The following CIBAR1 variants were observed in gnomAD, a reference collection of about 807,000 sequenced individuals.
The protein encoded by CIBAR1 is CBY1 interacting BAR domain containing 1, also known as CBY1-interacting BAR domain-containing protein 1.
Under a neutral mutation model 44.0 loss-of-function variants are expected in CIBAR1, and 25 were observed. The observed-to-expected ratio is 0.57, with a 90% confidence interval of 0.41 to 0.79. The LOEUF (loss-of-function observed/expected upper bound fraction) is 0.79, where lower values mean the gene tolerates loss of function less well. Among genes scored for constraint, CIBAR1 ranks in the 30% least tolerant of loss-of-function variants. The probability of loss-of-function intolerance (pLI) is 0.00; values close to 1 mark genes in which losing one functional copy is unlikely to be tolerated. For missense variants in CIBAR1, 278 were observed against 344.8 expected, an observed-to-expected ratio of 0.81 and a Z score of 1.53; for synonymous variants, 115 against 119.0, an observed-to-expected ratio of 0.97 and a Z score of 0.22.
At chr8:93,709,036 C>T (rs574830584) in intron 5 of CIBAR1, among the ~76,000 whole-genome samples, 3 of 152,104 alleles carry the variant, frequency 2.0e-5, no homozygotes, top group Admixed American at 6.5e-5. Context: ...CCCTGCACTT[C>T]GGGAGGCTGA....
chr8:93,722,504 C>G (rs1471383533), intron 7 of CIBAR1, among the ~76,000 whole-genome samples: 4 of 152,130 alleles, frequency 2.6e-5, no homozygotes, highest in Non-Finnish European at 5.9e-5. Context: ...CGAGACCATC[C>G]TGGCCAACAT....
intron 2 of CIBAR1, among the ~76,000 whole-genome samples, chr8:93,703,148 A>G (rs999553719): frequency 6.6e-6 from 1 of 152,196 alleles, no homozygotes; most frequent in Non-Finnish European, 1.5e-5. Context: ...CTCAGAAAAA[A>G]AAATGCAGCA....
chr8:93,718,408 A>G (rs147773881), intron 6 of CIBAR1, among the ~76,000 whole-genome samples: 54 of 152,356 alleles, frequency 3.5e-4, no homozygotes, highest in African/African-American at 1.3e-3. Flanking sequence ...ATAAATGTCA[A>G]TTACTAGGTA....
At chr8:93,703,282 A>C (rs912340473) in intron 2 of CIBAR1, among the ~76,000 whole-genome samples, 1 of 152,208 alleles carries the variant, frequency 6.6e-6, no homozygotes, top group African/African-American at 2.4e-5. Context: ...GTTCAGAGAT[A>C]ATATATGCAA....
At chr8:93,710,367 A>C in intron 6 of CIBAR1, among the ~76,000 whole-genome samples, 1 of 151,896 alleles carries the variant, frequency 6.6e-6, no homozygotes, top group Non-Finnish European at 1.5e-5. Context: ...TTTTTAGTAG[A>C]AACAGTGATA....
intron 2 of CIBAR1, chr8:93,702,406 G>T: frequency 2.5e-6 from 1 of 393,558 alleles, no homozygotes; most frequent in Non-Finnish European, 5.1e-6. Flanking sequence ...TCTTATTTTA[G>T]CCAATAATTT....
At chr8:93,718,555 A>G (rs947248825) in intron 6 of CIBAR1, 120 bp from the exon 7 acceptor site, 1 of 520,560 alleles carries the variant, frequency 1.9e-6, no homozygotes, top group Non-Finnish European at 3.2e-6. Context: ...TATTTACCCT[A>G]TAGAAAAACA....
rs763466316 is a variant in CIBAR1, at chr8:93,701,432, A to G, written c.235A>G (p.Lys79Glu). The G allele has an allele frequency of 6.2e-7, 1 of 1,613,680 alleles. No homozygotes were observed. Among genetic ancestry groups the G allele is most frequent in the East Asian group, 2.2e-5 (1 of 44,840 alleles). The change falls in exon 2 of 9, where the codon AAA becomes GAA. Residue 79 changes from lysine to glutamate, a missense_variant. Physicochemically the swap from Lys to Glu is moderately conservative, Grantham distance 56 (BLOSUM62 1). Transcript: ENST00000518322. Reference protein sequence around the residue: ...GLMNFADEFAKLQDYRQAEVE... With the variant: ...GLMNFADEFAELQDYRQAEVE... ...GATGAACTTTGCAGATGAGTTTGCC[A>G]AACTTCAGGATTATCGACAAGCAGA...
intron 7 of CIBAR1, among the ~76,000 whole-genome samples, chr8:93,719,109 C>T (rs1215042958): frequency 6.6e-6 from 1 of 152,050 alleles, no homozygotes; most frequent in African/African-American, 2.4e-5. Context: ...AGTGATACGC[C>T]CACCTCGGCC....
At chr8:93,723,189 G>A (rs1005469009) in intron 7 of CIBAR1, among the ~76,000 whole-genome samples, 9 of 152,094 alleles carry the variant, frequency 5.9e-5, no homozygotes, top group African/African-American at 2.2e-4. Flanking sequence ...GTAGAGATGG[G>A]GTTTCACCAT....
intron 7 of CIBAR1, chr8:93,721,015 A>G (rs952089370): frequency 6.6e-6 from 1 of 152,252 alleles, no homozygotes; most frequent in Non-Finnish European, 1.5e-5. Flanking sequence ...TGATAAAAGT[A>G]CTTATTTCTG....
At chr8:93,713,727 T>A (rs994892575) in intron 6 of CIBAR1, among the ~76,000 whole-genome samples, 1 of 152,248 alleles carries the variant, frequency 6.6e-6, no homozygotes, top group Admixed American at 6.5e-5. Context: ...GCACCATTTG[T>A]TGAAGGGACT....
At chr8:93,700,993 C>T in intron 1 of CIBAR1, 1 of 1,405,966 alleles carries the variant, frequency 7.1e-7, no homozygotes, top group Non-Finnish European at 9.2e-7. Context: ...CAGCCACCTC[C>T]CCAGTTAAGG....
chr8:93,709,730 T>A, intron 5 of CIBAR1, 41 bp from the exon 6 acceptor site: 1 of 1,551,800 alleles, frequency 6.4e-7, no homozygotes, highest in Non-Finnish European at 8.8e-7. Context: ...GAATTCTCAT[T>A]TGATTTTTTT....
chr8:93,726,252 C>T, intron 7 of CIBAR1, 142 bp from the exon 8 acceptor site: 5 of 681,690 alleles, frequency 7.3e-6, no homozygotes, highest in Non-Finnish European at 9.3e-6. Flanking sequence ...GTTGTCTTTT[C>T]TTTTACATTT....
chr8:93,715,236 G>GA (rs1218132152), intron 6 of CIBAR1: 1 of 152,086 alleles, frequency 6.6e-6, no homozygotes, highest in Non-Finnish European at 1.5e-5. Flanking sequence ...CATGTATTAG[G>GA]AAAAGTCATC....
At chr8:93,713,258 CCT>C in intron 6 of CIBAR1, among the ~76,000 whole-genome samples, 1 of 152,008 alleles carries the variant, frequency 6.6e-6, no homozygotes. Flanking sequence ...GTCGTGAACT[CCT>C]GACCTCAGGT....
intron 6 of CIBAR1, chr8:93,715,873 C>T (rs2130343221): frequency 6.6e-6 from 1 of 152,264 alleles, no homozygotes; most frequent in Non-Finnish European, 1.5e-5. Context: ...TAAACAGCAG[C>T]CTTTGTGCTG....
In CIBAR1 at chr8:93,729,460, CAG is replaced by C. The variant is rs1339891776; in HGVS notation, c.*1166_*1167del. On this transcript the variant is annotated 3_prime_UTR_variant, in exon 9 of 9. Transcript: ENST00000518322. ...TTGGTTGTACTTCGGGGGAAAACAA[CAG>C]AGTTATTATTTTGCTGCTTACTAAA... 13 of 152,136 alleles carry C rather than the reference CAG, an allele frequency of 8.5e-5. No individual in the cohort carries two copies. Among genetic ancestry groups the C allele is most frequent in the East Asian group, 1.9e-4 (1 of 5,198 alleles). The allele number at this position is 152,136 out of a possible 1,614,324, so 9.4% of individuals were successfully genotyped here. A position where few individuals can be genotyped will look rare whatever the true frequency, so the allele number is the denominator to read the frequency against.
Sources: gnomAD v4.1 joint callset for allele counts (sites outside exome capture counted in the v4.1 genomes callset) on GRCh38, gnomAD v4.1.1 for gene constraint, MANE v1.5 for transcripts, NCBI Gene and HGNC (gene_info 2026-07-23, HGNC 2026-07-21) for gene names.